The following CFAP61 variants were observed in gnomAD, a reference collection of about 807,000 sequenced individuals.
The protein encoded by CFAP61 is cilia- and flagella-associated protein 61.
CFAP61 carries 107 observed loss-of-function variants against 135.6 expected under a neutral mutation model. The ratio of observed to expected loss-of-function variants is 0.79; its 90% confidence interval spans 0.67 to 0.93. The LOEUF (loss-of-function observed/expected upper bound fraction) is 0.93. CFAP61 is among the 40% of genes least tolerant of loss of function. The pLI, the probability that CFAP61 is intolerant of heterozygous loss-of-function variation, is 0.00. For missense variants in CFAP61, 1,507 were observed against 1,556.2 expected, an observed-to-expected ratio of 0.97 and a Z score of 0.53; for synonymous variants, 575 against 578.5, an observed-to-expected ratio of 0.99 and a Z score of 0.09.
At chr20:20,149,448 G>A (rs2052210210) in intron 9 of CFAP61, among the ~76,000 whole-genome samples, 1 of 152,140 alleles carries the variant, frequency 6.6e-6, no homozygotes, top group African/African-American at 2.4e-5. Context: ...GAGCATGCCA[G>A]GAAAACCAAA....
chr20:20,273,079 A>G (rs2053485820), intron 21 of CFAP61, among the ~76,000 whole-genome samples: 1 of 126,696 alleles, frequency 7.9e-6, no homozygotes, highest in African/African-American at 3.1e-5. Flanking sequence ...CAGGGCTATG[A>G]TGTGTTTCCC....
At chr20:20,354,529 A>C (rs2058969628) in intron 26 of CFAP61, among the ~76,000 whole-genome samples, 1 of 150,922 alleles carries the variant, frequency 6.6e-6, no homozygotes. Flanking sequence ...AATCAGGTAC[A>C]GAAAGGTAAA....
intron 9 of CFAP61, among the ~76,000 whole-genome samples, chr20:20,148,648 T>C (rs1372205699): frequency 6.6e-6 from 1 of 152,244 alleles, no homozygotes; most frequent in Non-Finnish European, 1.5e-5. Flanking sequence ...GAGACTTTAC[T>C]GAATTTGCTT....
intron 25 of CFAP61, among the ~76,000 whole-genome samples, chr20:20,335,902 A>G (rs951397876): frequency 2.6e-5 from 4 of 152,370 alleles, no homozygotes; most frequent in African/African-American, 7.2e-5. Flanking sequence ...CATGGGTTAC[A>G]CAGAACTATG....
chr20:20,173,489 G>A (rs972753516), intron 13 of CFAP61, among the ~76,000 whole-genome samples: 6 of 152,158 alleles, frequency 3.9e-5, no homozygotes, highest in African/African-American at 1.4e-4. Flanking sequence ...GTATGTTAGT[G>A]TTACCTCACT....
At chr20:20,342,095 G>A (rs931369488) in intron 26 of CFAP61, among the ~76,000 whole-genome samples, 174 bp downstream of exon 26, 5 of 152,178 alleles carry the variant, frequency 3.3e-5, no homozygotes, top group Non-Finnish European at 5.9e-5. Context: ...GTTATTTCAG[G>A]GGAAGTGATT....
intron 13 of CFAP61, among the ~76,000 whole-genome samples, chr20:20,186,993 G>A (rs2055549431): frequency 6.6e-6 from 1 of 152,168 alleles, no homozygotes; most frequent in African/African-American, 2.4e-5. Context: ...CCAACCCATG[G>A]CAAACAGGCA....
intron 21 of CFAP61, among the ~76,000 whole-genome samples, chr20:20,268,962 G>A (rs2053036046): frequency 1.3e-5 from 2 of 151,742 alleles, no homozygotes; most frequent in South Asian, 4.1e-4. Flanking sequence ...TCCACTGCAT[G>A]CATCATCGAA....
intron 20 of CFAP61, among the ~76,000 whole-genome samples, chr20:20,256,792 C>T (rs1284562222): frequency 6.6e-6 from 1 of 152,080 alleles, no homozygotes; most frequent in African/African-American, 2.4e-5. Context: ...ACTTTTTTAC[C>T]CGAAAAACAT....
chr20:20,259,379 G>A (rs989600401), intron 20 of CFAP61, among the ~76,000 whole-genome samples: 1 of 148,174 alleles, frequency 6.7e-6, no homozygotes, highest in African/African-American at 2.5e-5. Flanking sequence ...TCAGCCTCCC[G>A]AGTAGCTGGG....
intron 2 of CFAP61, among the ~76,000 whole-genome samples, chr20:20,062,905 G>A (rs950168980): frequency 6.6e-6 from 1 of 152,176 alleles, no homozygotes; most frequent in African/African-American, 2.4e-5. Flanking sequence ...CAAGACTGTA[G>A]AGTAACCTCC....
chr20:20,245,175 C>T (rs2050346711), intron 18 of CFAP61, among the ~76,000 whole-genome samples: 1 of 152,250 alleles, frequency 6.6e-6, no homozygotes, highest in Non-Finnish European at 1.5e-5. Flanking sequence ...TTACCCAGTT[C>T]CAAAGTCGCT....
rs767007301 is a variant in CFAP61 at position 20,277,247 on chromosome 20, G to A, written c.2585G>A (p.Arg862His). The change falls in exon 22 of 27, where the codon CGC (arginine) becomes CAC (histidine). Residue 862 changes from arginine to histidine, a missense_variant. Arg to His is a conservative substitution (Grantham distance 29, BLOSUM62 0). Transcript: ENST00000245957. ...TTAAACCTTGGCGTGAGCGGCAGCCGCATCCACCTCGTGCAGCCCCCGCCC... is the reference window on the plus strand; with the variant it reads ...TTAAACCTTGGCGTGAGCGGCAGCCACATCCACCTCGTGCAGCCCCCGCCC... ...TLLNLGVSGS[R>H]IHLVQPPPAS... 1.2e-6 allele frequency: 2 copies of A among 1,613,518 alleles called. No homozygotes were observed. Among genetic ancestry groups the A allele is most frequent in the Non-Finnish European group, 1.7e-6 (2 of 1,179,894 alleles).
intron 6 of CFAP61, among the ~76,000 whole-genome samples, chr20:20,083,813 G>A (rs1399795864): frequency 2.0e-5 from 3 of 152,166 alleles, no homozygotes; most frequent in African/African-American, 4.8e-5. Flanking sequence ...CAGGATGGAC[G>A]TTTAGATCAG....
chr20:20,355,799 G>A (rs1293106140), intron 26 of CFAP61, among the ~76,000 whole-genome samples: 2 of 141,054 alleles, frequency 1.4e-5, no homozygotes, highest in East Asian at 2.1e-4. Context: ...ACACTGAGGG[G>A]AGGTAGTGAC....
At chr20:20,103,721 G>A (rs927673180) in intron 8 of CFAP61, among the ~76,000 whole-genome samples, 6 of 152,092 alleles carry the variant, frequency 3.9e-5, no homozygotes, top group African/African-American at 1.2e-4. Flanking sequence ...CCAGTTGGCC[G>A]CAGCACTGGC....
chr20:20,054,027 T>TTG (rs2044051323), intron 1 of CFAP61, among the ~76,000 whole-genome samples: 1 of 149,780 alleles, frequency 6.7e-6, no homozygotes, highest in Admixed American at 6.6e-5. Context: ...TTTTTTTTTT[T>TTG]TTTTTTTAGG....
At chr20:20,158,585 G>A (rs375709419) in intron 9 of CFAP61, among the ~76,000 whole-genome samples, 4 of 152,260 alleles carry the variant, frequency 2.6e-5, no homozygotes, top group Admixed American at 2.0e-4. Context: ...CCACTGATGC[G>A]TGCAACAGCA....
chr20:20,285,838 T>C (rs977623572), intron 22 of CFAP61, among the ~76,000 whole-genome samples: 11 of 151,598 alleles, frequency 7.3e-5, no homozygotes, highest in Non-Finnish European at 1.2e-4. Context: ...GAAGGATTCC[T>C]TGAACCCGGG....
Sources: allele counts gnomAD v4.1 joint callset (sites outside exome capture counted in the v4.1 genomes callset), GRCh38; gene constraint gnomAD v4.1.1; transcripts MANE v1.5; gene names NCBI Gene and HGNC (gene_info 2026-07-23, HGNC 2026-07-21).